Variants in JAK1 observed in about 807,000 individuals in gnomAD.
JAK1 encodes tyrosine-protein kinase JAK1.
JAK1 carries 16 observed loss-of-function variants against 136.6 expected under a neutral mutation model. The observed-to-expected ratio is 0.12, with a 90% confidence interval of 0.08 to 0.18. The LOEUF (loss-of-function observed/expected upper bound fraction) is 0.18. Ranked by LOEUF, JAK1 falls within the 10% of genes least tolerant of loss-of-function variation. JAK1 has a pLI of 1.00. For missense variants in JAK1, 859 were observed against 1,450.1 expected (o/e 0.59, Z 6.62); for synonymous variants, 492 against 519.5 (o/e 0.95, Z 0.72).
At chr1:64,999,947 A>G (rs778035555) in intron 2 of JAK1, among the ~76,000 whole-genome samples, 4 of 151,738 alleles carry the variant, frequency 2.6e-5, no homozygotes, top group Non-Finnish European at 5.9e-5. Flanking sequence ...AATAAACATT[A>G]TAGAAAGTCT....
intron 2 of JAK1, among the ~76,000 whole-genome samples, chr1:65,006,216 T>C (rs2100760274): frequency 6.6e-6 from 1 of 152,328 alleles, no homozygotes; most frequent in East Asian, 1.9e-4. Flanking sequence ...GTTTTTTGAA[T>C]AGTTCACTAT....
chr1:64,842,837 GT>G (rs1303227229), intron 17 of JAK1, among the ~76,000 whole-genome samples: 1 of 152,142 alleles, frequency 6.6e-6, no homozygotes, highest in African/African-American at 2.4e-5. Context: ...TTCCCTGCGG[GT>G]TTAAGATCCT....
At chr1:65,039,678 G>A (rs1647111993) in intron 2 of JAK1, among the ~76,000 whole-genome samples, 1 of 152,172 alleles carries the variant, frequency 6.6e-6, no homozygotes, top group Non-Finnish European at 1.5e-5. Context: ...TACCAGTGGT[G>A]ATCTTACTGT....
chr1:64,939,229 G>A (rs1306847042), intron 1 of JAK1, among the ~76,000 whole-genome samples: 2 of 152,250 alleles, frequency 1.3e-5, no homozygotes, highest in African/African-American at 2.4e-5. Flanking sequence ...AAATGGGGAT[G>A]TCAGATGATT....
chr1:64,991,467 T>G (rs771747366), intron 2 of JAK1: 9 of 152,242 alleles, frequency 5.9e-5, no homozygotes, highest in Non-Finnish European at 4.4e-5. Flanking sequence ...CCAATCATAT[T>G]GGATTAAGGC....
intron 1 of JAK1, among the ~76,000 whole-genome samples, chr1:64,895,479 T>C (rs1179663587): frequency 6.6e-6 from 1 of 152,188 alleles, no homozygotes; most frequent in Non-Finnish European, 1.5e-5. Context: ...TCAGCAAATA[T>C]AAGAAAGTGA....
intron 4 of JAK1, among the ~76,000 whole-genome samples, chr1:64,875,334 C>T (rs1009226712): frequency 5.9e-5 from 9 of 152,304 alleles, no homozygotes; most frequent in Admixed American, 3.9e-4. Context: ...ATATGAGGCA[C>T]GCTCTCCTGG....
At chr1:64,994,616 C>T (rs141997553) in intron 2 of JAK1, among the ~76,000 whole-genome samples, 2 of 152,294 alleles carry the variant, frequency 1.3e-5, no homozygotes, top group African/African-American at 4.8e-5. Flanking sequence ...TTGACCCAAA[C>T]ACCTCTGATT....
At chr1:65,003,787 C>CAG (rs954266409) in intron 2 of JAK1, 8 of 152,206 alleles carry the variant, frequency 5.3e-5, no homozygotes, top group Admixed American at 4.6e-4. Context: ...TACTCCACTC[C>CAG]CTCTGTCTAC....
intron 2 of JAK1, among the ~76,000 whole-genome samples, chr1:65,043,369 T>TA (rs1405229299): frequency 6.6e-6 from 1 of 152,080 alleles, no homozygotes; most frequent in Non-Finnish European, 1.5e-5. Flanking sequence ...TCATTAATAA[T>TA]AAAACAAACT....
intron 6 of JAK1, among the ~76,000 whole-genome samples, chr1:64,868,612 C>T (rs1235334269): frequency 1.3e-5 from 2 of 152,112 alleles, no homozygotes; most frequent in Non-Finnish European, 1.5e-5. Flanking sequence ...TCTGGTCAAG[C>T]GCAAGGAGAA....
intron 11 of JAK1, among the ~76,000 whole-genome samples, chr1:64,851,705 C>G (rs1265233598): frequency 1.3e-5 from 2 of 152,154 alleles, no homozygotes; most frequent in Non-Finnish European, 2.9e-5. Context: ...CTGCAAGGAA[C>G]GAGGTTATCA....
chr1:64,846,213 G>A (rs533002677), intron 14 of JAK1, among the ~76,000 whole-genome samples: 2 of 152,278 alleles, frequency 1.3e-5, no homozygotes, highest in African/African-American at 4.8e-5. Flanking sequence ...AGGGCCCACC[G>A]GCTCAGTGGC....
At chr1:64,893,842 A>G (rs1163922721) in intron 1 of JAK1, among the ~76,000 whole-genome samples, 2 of 152,344 alleles carry the variant, frequency 1.3e-5, no homozygotes, top group South Asian at 2.1e-4. Flanking sequence ...CTGATAAGTC[A>G]TCTGACAAAG....
chr1:65,032,027 G>A (rs138195102), intron 2 of JAK1, among the ~76,000 whole-genome samples: 19 of 149,616 alleles, frequency 1.3e-4, no homozygotes, highest in South Asian at 4.2e-4. Flanking sequence ...GTGCAGTGGC[G>A]CGATCTCAGC....
At chr1:65,014,786 G>A (rs1030009688) in intron 2 of JAK1, among the ~76,000 whole-genome samples, 2 of 151,300 alleles carry the variant, frequency 1.3e-5, no homozygotes, top group Admixed American at 6.6e-5. Flanking sequence ...CCGGGTTCAC[G>A]CCATTCTCCC....
intron 1 of JAK1, among the ~76,000 whole-genome samples, chr1:64,899,801 T>C (rs1048981920): frequency 6.6e-6 from 1 of 152,214 alleles, no homozygotes; most frequent in East Asian, 1.9e-4. Flanking sequence ...AATTTGGACT[T>C]GAAGATTCTC....
intron 1 of JAK1, among the ~76,000 whole-genome samples, chr1:64,943,812 C>T (rs527484570): frequency 8.5e-5 from 12 of 141,732 alleles, no homozygotes; most frequent in African/African-American, 2.4e-4. Flanking sequence ...AACTAATATC[C>T]TTAACATATG....
chr1:64,834,757 A>G (rs1570597684), intron 24 of JAK1, 100 bp from the exon 25 acceptor site: 19 of 769,822 alleles, frequency 2.5e-5, no homozygotes, highest in Non-Finnish European at 3.1e-5. Flanking sequence ...TGGAAATGCA[A>G]TGACTTTTCC....
Sources: gnomAD v4.1 joint callset for allele counts (sites outside exome capture counted in the v4.1 genomes callset) on GRCh38, gnomAD v4.1.1 for gene constraint, MANE v1.5 for transcripts, NCBI Gene and HGNC (gene_info 2026-07-23, HGNC 2026-07-21) for gene names.